RNF6: variants seen among roughly 807,000 people sequenced by gnomAD.
RNF6 encodes E3 ubiquitin-protein ligase RNF6.
RNF6 carries 21 observed loss-of-function variants against 50.1 expected under a neutral mutation model. That is an observed-to-expected ratio of 0.42 (90% CI 0.30 to 0.60). The LOEUF (loss-of-function observed/expected upper bound fraction) is 0.60. Among genes scored for constraint, RNF6 ranks in the 20% least tolerant of loss-of-function variants. The probability of loss-of-function intolerance (pLI) is 0.20; values close to 1 mark genes in which losing one functional copy is unlikely to be tolerated. For missense variants in RNF6, 698 were observed against 838.2 expected (o/e 0.83, Z 2.07); for synonymous variants, 255 against 291.8 (o/e 0.87, Z 1.29).
At chr13:26,147,771 G>A (rs1375168518) in intron 5 of RNF6, among the ~76,000 whole-genome samples, 1 of 152,146 alleles carries the variant, frequency 6.6e-6, no homozygotes, top group Non-Finnish European at 1.5e-5. Flanking sequence ...TCTCAGGTCT[G>A]TGGCTACAGG....
chr13:26,155,045 C>CAAA (rs145217433), intron 5 of RNF6, among the ~76,000 whole-genome samples: 4 of 146,156 alleles, frequency 2.7e-5, no homozygotes, highest in African/African-American at 1.0e-4. Context: ...AAGCAAAAAA[C>CAAA]AAAAAAAAAA....
chr13:26,190,688 A>C (rs749369738), intron 5 of RNF6, among the ~76,000 whole-genome samples: 1 of 152,216 alleles, frequency 6.6e-6, no homozygotes, highest in Non-Finnish European at 1.5e-5. Context: ...CAAGACAGCA[A>C]ATGTTCTATT....
At chr13:26,141,658 T>G (rs1413740469) in intron 5 of RNF6, among the ~76,000 whole-genome samples, 1 of 152,130 alleles carries the variant, frequency 6.6e-6, no homozygotes, top group Non-Finnish European at 1.5e-5. Context: ...TAAGTGGTTT[T>G]GGGAAAACTG....
chr13:26,172,760 G>A (rs1872761080), intron 5 of RNF6, among the ~76,000 whole-genome samples: 1 of 152,094 alleles, frequency 6.6e-6, no homozygotes, highest in Non-Finnish European at 1.5e-5. Context: ...AGCCAGGATG[G>A]TCTCGATCTC....
chr13:26,165,173 G>A (rs115989735), intron 5 of RNF6, among the ~76,000 whole-genome samples: 17,211 of 152,198 alleles, frequency 0.11, 1,078 homozygotes, highest in Middle Eastern at 0.17. Flanking sequence ...AGGGGCCAAC[G>A]TAGAACTTGG....
At chr13:26,138,257 T>C (rs776736016) in intron 5 of RNF6, among the ~76,000 whole-genome samples, 1 of 152,138 alleles carries the variant, frequency 6.6e-6, no homozygotes, top group Non-Finnish European at 1.5e-5. Context: ...CGAGTAAAAC[T>C]GTCCTTCAAA....
At position 26,214,717 on chromosome 13, in the gene RNF6, T is replaced by C; in HGVS notation, c.1165A>G (p.Thr389Ala). The C allele has an allele frequency of 1.9e-6, 3 of 1,614,250 alleles. No individual in the cohort carries two copies. The highest frequency in any genetic ancestry group is 2.5e-6 in the Non-Finnish European group (3 of 1,180,046). Residue 389 changes from threonine to alanine, a missense_variant, in exon 5 of 5, where the codon ACT (threonine) becomes GCT (alanine). By Grantham distance (58) the Thr-to-Ala change is moderately conservative. Coordinates refer to ENST00000381588, the MANE Select transcript of RNF6 (RefSeq NM_005977.4). ...EEGEESSRSS[T>A]AVRRHPTITL... ...ATTGTTGGATGTCGTCGTACAGCAG[T>C]TGAGGATCTGCTGGATTCTTCTCCT...
At chr13:26,190,116 A>G (rs997203574) in intron 5 of RNF6, among the ~76,000 whole-genome samples, 7 of 152,032 alleles carry the variant, frequency 4.6e-5, no homozygotes, top group African/African-American at 7.2e-5. Context: ...CCCTTTAGAA[A>G]CCGATCGAAT....
intron 5 of RNF6, among the ~76,000 whole-genome samples, chr13:26,167,564 G>C (rs569023421): frequency 6.6e-6 from 1 of 152,258 alleles, no homozygotes; most frequent in Admixed American, 6.5e-5. Flanking sequence ...ATGTTGGCAA[G>C]GTTGCAGAGA....
Position 26,164,961 on chromosome 13 carries a change from C to A in RNF6, n.769-32510G>T, listed in dbSNP as rs200016584. 2.6e-5 allele frequency among the ~76,000 whole-genome samples: 4 copies of A among 152,264 alleles called. No homozygotes were observed. In the East Asian group the frequency reaches 5.8e-4, roughly 22 times the overall value. On this transcript the variant is annotated intron_variant and non_coding_transcript_variant, in intron 5 of 5. Transcript: ENST00000468480. ...CAGCTGCAGAAATTTGCATAAGTGA[C>A]AATGAGCCGAATGTTAATCCCCAAG... is the stretch of plus-strand genomic sequence containing the variant.
downstream of RNF6, among the ~76,000 whole-genome samples, chr13:26,211,249 T>C (rs190972): frequency 0.2 from 30,674 of 152,188 alleles, 3,403 homozygotes; most frequent in African/African-American, 0.28. Context: ...GAATTTTCCA[T>C]ACAAAACACA....
At position 26,166,221 on chromosome 13, in the gene RNF6, G is replaced by A. The variant is rs187599880; in HGVS notation, n.769-33770C>T. Among the ~76,000 whole-genome samples the A allele has an allele frequency of 5.8e-3, 882 of 152,178 alleles. 10 individuals are homozygous for A. The highest frequency in any genetic ancestry group is 0.02 in the African/African-American group (846 of 41,524). On this transcript the variant is annotated intron_variant and non_coding_transcript_variant, in intron 5 of 5. Coordinates refer to the RNF6 transcript ENST00000468480. Reference sequence around the variant, plus strand: ...ATGTGAGATGTGCCTTTCACCTTCCGCCATGATTGTGGGGCCTCCCCAGCC... The same window carrying A: ...ATGTGAGATGTGCCTTTCACCTTCCACCATGATTGTGGGGCCTCCCCAGCC...
intron 5 of RNF6, among the ~76,000 whole-genome samples, chr13:26,171,527 C>T (rs1872695926): frequency 6.6e-6 from 1 of 152,118 alleles, no homozygotes; most frequent in Non-Finnish European, 1.5e-5. Context: ...ATCATGTTAT[C>T]CATCAATTTC....
At chr13:26,166,051 T>C (rs575833700) in intron 5 of RNF6, among the ~76,000 whole-genome samples, 27 of 152,192 alleles carry the variant, frequency 1.8e-4, no homozygotes, top group Admixed American at 2.6e-4. Context: ...CCACATGTTG[T>C]GGGAGGGACC....
chr13:26,166,589 G>A (rs1236873990), intron 5 of RNF6, among the ~76,000 whole-genome samples: 1 of 152,176 alleles, frequency 6.6e-6, no homozygotes, highest in Non-Finnish European at 1.5e-5. Flanking sequence ...AATCAGGAAT[G>A]CAATCTCATT....
intron 5 of RNF6, among the ~76,000 whole-genome samples, chr13:26,142,142 A>T (rs1351272563): frequency 3.3e-5 from 5 of 152,146 alleles, no homozygotes; most frequent in Admixed American, 6.5e-5. Context: ...CAACATCACT[A>T]ATGATCAGAG....
chr13:26,217,757 A>G (rs898754416), intron 4 of RNF6, among the ~76,000 whole-genome samples: 3 of 152,272 alleles, frequency 2.0e-5, no homozygotes, highest in Admixed American at 2.0e-4. Context: ...GATTTTAATT[A>G]ATTTCCATTT....
chr13:26,211,461 A>G (rs1395044698), downstream of RNF6, among the ~76,000 whole-genome samples: 2 of 152,132 alleles, frequency 1.3e-5, no homozygotes, highest in Non-Finnish European at 2.9e-5. Flanking sequence ...GGAATATCCC[A>G]TATAAGAAAT....
chr13:26,141,096 A>G (rs1422461283), intron 5 of RNF6, among the ~76,000 whole-genome samples: 2 of 152,216 alleles, frequency 1.3e-5, no homozygotes, highest in Non-Finnish European at 2.9e-5. Flanking sequence ...CAAAATGCCA[A>G]CATCATTTTT....
Sources: allele counts gnomAD v4.1 joint callset (sites outside exome capture counted in the v4.1 genomes callset), GRCh38; gene constraint gnomAD v4.1.1; transcripts MANE v1.5; gene names NCBI Gene and HGNC (gene_info 2026-07-23, HGNC 2026-07-21).